Variants in OSBPL2 observed in about 807,000 individuals in gnomAD.
OSBPL2 encodes the protein oxysterol-binding protein-related protein 2.
A neutral mutation model predicts 58.4 loss-of-function variants in OSBPL2; 18 were observed. The observed-to-expected ratio is 0.31, with a 90% confidence interval of 0.21 to 0.46. The LOEUF (loss-of-function observed/expected upper bound fraction) is 0.46, where lower values mean the gene tolerates loss of function less well. OSBPL2 is among the 20% of genes least tolerant of loss of function. The pLI is 1.00. For synonymous variants in OSBPL2, 221 were observed against 234.1 expected (o/e 0.94, Z 0.51); for missense variants, 461 against 616.5 (o/e 0.75, Z 2.67).
rs772551702 is a variant in OSBPL2 at position 62,289,189 on chromosome 20, CTG to C, written c.1126-15_1126-14del. On this transcript the variant is annotated splice_polypyrimidine_tract_variant and intron_variant, in intron 11 of 13. Coordinates refer to ENST00000313733, the MANE Select transcript of OSBPL2 (RefSeq NM_144498.4). The stretch of plus-strand genomic sequence containing the variant: ...CAGAGGCCCTGCTGAGGTCGTGTCT[CTG>C]TGCCTTGCTCCACAGATGTATAATT... 2.5e-6 allele frequency: 4 copies of C among 1,613,220 alleles called. No individual in the cohort carries two copies. The Admixed American group carries it at 6.7e-5, about 27-fold the overall frequency.
rs1307948954 is a variant in OSBPL2 at position 62,273,377 on chromosome 20, A to G, written c.462A>G (p.Pro154=). The part of the protein sequence containing the change: ...QWERTGKPFN[P]LLGETYELIR... ...AGAGGACCGGCAAACCATTTAATCC[A>G]CTCTTGGGAGAAACGTATGAATTAA... is the stretch of plus-strand genomic sequence containing the variant. The change falls in exon 6 of 14, where the codon CCA becomes CCG. Residue 154 remains proline (P), a synonymous_variant. Coordinates refer to ENST00000313733, the MANE Select transcript of OSBPL2 (RefSeq NM_144498.4). The G allele has an allele frequency of 1.2e-6, 2 of 1,600,550 alleles. No homozygotes were observed. The highest frequency in any genetic ancestry group is 4.5e-5 in the East Asian group (2 of 44,124).
chr20:62,246,232 G>C (rs1355086243), intron 1 of OSBPL2, among the ~76,000 whole-genome samples: 2 of 152,260 alleles, frequency 1.3e-5, no homozygotes, highest in Non-Finnish European at 2.9e-5. Context: ...CCGGGACGCT[G>C]TGTCCAGGAT....
At chr20:62,278,179 A>ATG (rs1491160935) in intron 6 of OSBPL2, 112 of 175,198 alleles carry the variant, frequency 6.4e-4, no homozygotes, top group Admixed American at 3.5e-3. Flanking sequence ...TCTGGAAGCC[A>ATG]TGTGTGTGTG....
At position 62,263,466 on chromosome 20, in the gene OSBPL2, C is replaced by T. The variant is rs59650555; in HGVS notation, c.183-150C>T. The T allele has an allele frequency of 1.2e-3, 790 of 665,558 alleles. 6 individuals are homozygous for T. In the African/African-American group the frequency reaches 0.012, roughly 10 times the overall value. 41.2% of individuals were successfully genotyped at this position (665,558 alleles called of 1,614,324 possible). A position where few individuals can be genotyped will look rare whatever the true frequency, so the allele number is the denominator to read the frequency against. ...GTGTGGAAGGCCTCTAGGCAGCAGT[C>T]GTGCCCTGTGTCCCTAGGCATGCCA... On this transcript the variant is annotated intron_variant, in intron 3 of 13. Coordinates refer to ENST00000313733, the MANE Select transcript of OSBPL2 (RefSeq NM_144498.4).
intron 4 of OSBPL2, among the ~76,000 whole-genome samples, chr20:62,266,834 C>T (rs1359988994): frequency 6.6e-6 from 1 of 150,940 alleles, no homozygotes; most frequent in Non-Finnish European, 1.5e-5. Flanking sequence ...TCATCAGATA[C>T]TCAATCTATG....
In OSBPL2 at chr20:62,279,935, A is replaced by G. The variant is rs551910216; in HGVS notation, c.674+596A>G. The G allele has an allele frequency of 1.1e-5, 14 of 1,300,846 alleles. No individual in the cohort carries two copies. The African/African-American group carries it at 1.5e-4, about 14-fold the overall frequency. The allele number at this position is 1,300,846 out of a possible 1,614,324, so 80.6% of individuals were successfully genotyped here. A position where few individuals can be genotyped will look rare whatever the true frequency, so the allele number is the denominator to read the frequency against. ...GTGACTTAGGGTTGGAATTTGAAAC[A>G]GCGTGGGAGGGGACCCTCTGAGAGG... On this transcript the variant is annotated intron_variant, in intron 7 of 13. Transcript: ENST00000313733.
chr20:62,276,123 G>C (rs1008056967), intron 6 of OSBPL2, among the ~76,000 whole-genome samples: 1 of 152,002 alleles, frequency 6.6e-6, no homozygotes, highest in African/African-American at 2.4e-5. Context: ...CACCTTGTTG[G>C]CCAGGCTGGT....
chr20:62,293,994 G>T lies in OSBPL2; in HGVS notation c.*107G>T. The T allele has an allele frequency of 7.1e-7, 1 of 1,416,978 alleles. No homozygotes were observed. The highest frequency in any genetic ancestry group is 1.4e-5 in the South Asian group (1 of 70,692). The allele number at this position is 1,416,978 out of a possible 1,614,324, so 87.8% of individuals were successfully genotyped here. On this transcript the variant is annotated 3_prime_UTR_variant, in exon 14 of 14. Transcript: ENST00000313733. Reference sequence around the variant, plus strand: ...GCAGAAACCAACTTTTCTAACGACTGAGTTCGCGGAGATAGCATCATCCCT... The same window carrying T: ...GCAGAAACCAACTTTTCTAACGACTTAGTTCGCGGAGATAGCATCATCCCT...
At chr20:62,283,953 T>A (rs955125045) in intron 9 of OSBPL2, 93 bp from the exon 10 acceptor site, 1 of 1,300,926 alleles carries the variant, frequency 7.7e-7, no homozygotes, top group Non-Finnish European at 1.1e-6. Context: ...TAAGAAAACA[T>A]ACCTGAGGGG....
rs1375762748 is a variant in OSBPL2 at position 62,292,320 on chromosome 20, G to A, written c.1340+527G>A. On this transcript the variant is annotated intron_variant, in intron 13 of 13. Coordinates refer to ENST00000313733, the MANE Select transcript of OSBPL2 (RefSeq NM_144498.4). ...GTGTGGAGGCCACGCCTGTCACACC[G>A]ATACCACATCTTCCTGTCAGTGCCA... is the stretch of plus-strand genomic sequence containing the variant. 7.9e-5 allele frequency among the ~76,000 whole-genome samples: 12 copies of A among 152,344 alleles called. No homozygotes were observed. The South Asian group carries it at 1.0e-3, about 13-fold the overall frequency.
chr20:62,254,670 G>C (rs771054663), intron 1 of OSBPL2, among the ~76,000 whole-genome samples: 1 of 152,254 alleles, frequency 6.6e-6, no homozygotes, highest in Non-Finnish European at 1.5e-5. Flanking sequence ...TTCTCGCCCC[G>C]GCGCCCTCAC....
intron 4 of OSBPL2, among the ~76,000 whole-genome samples, chr20:62,265,072 G>A (rs1057199507): frequency 2.0e-5 from 3 of 152,184 alleles, no homozygotes; most frequent in Non-Finnish European, 4.4e-5. Context: ...TGTAATCAAT[G>A]TTTTAGGGAA....
At chr20:62,282,992 T>G (rs1298947419) in intron 9 of OSBPL2, among the ~76,000 whole-genome samples, 2 of 152,210 alleles carry the variant, frequency 1.3e-5, no homozygotes, top group African/African-American at 4.8e-5. Context: ...GACAGCAGTC[T>G]TACAACAGGG....
chr20:62,252,822 G>A (rs1239674522), intron 1 of OSBPL2, among the ~76,000 whole-genome samples: 1 of 152,374 alleles, frequency 6.6e-6, no homozygotes. Flanking sequence ...CTCACATGGC[G>A]CGAGGAGGAG....
chr20:62,262,092 C>A (rs972813017), intron 3 of OSBPL2, among the ~76,000 whole-genome samples: 2 of 149,490 alleles, frequency 1.3e-5, no homozygotes, highest in Non-Finnish European at 1.5e-5. Flanking sequence ...GACCCCCCCC[C>A]CACCCCGTCA....
intron 1 of OSBPL2, among the ~76,000 whole-genome samples, chr20:62,244,509 G>A (rs545918973): frequency 6.6e-5 from 10 of 152,360 alleles, no homozygotes; most frequent in African/African-American, 2.2e-4. Flanking sequence ...CAGTCTCGTG[G>A]GCCGCATTGG....
rs572979030 is a variant in OSBPL2 at position 62,245,470 on chromosome 20, C to G, written c.-129+6873C>G. Among the ~76,000 whole-genome samples the G allele has an allele frequency of 2.0e-5, 3 of 152,284 alleles. No individual in the cohort carries two copies. The South Asian group carries it at 6.2e-4, about 32-fold the overall frequency. ...CTGGTTTGTGATGAGCCACGTAGAG[C>G]CCCACGCTAAGAAGAACCATACAGG... On this transcript the variant is annotated intron_variant, in intron 1 of 13. Transcript: ENST00000313733.
intron 10 of OSBPL2, 145 bp downstream of exon 10, chr20:62,284,314 A>G: frequency 1.2e-6 from 1 of 852,090 alleles, no homozygotes; most frequent in Non-Finnish European, 1.9e-6. Context: ...TTGTCTGTCC[A>G]GATGAACCAT....
At chr20:62,258,117 G>A (rs1981053662) in intron 2 of OSBPL2, among the ~76,000 whole-genome samples, 1 of 152,196 alleles carries the variant, frequency 6.6e-6, no homozygotes, top group South Asian at 2.1e-4. Flanking sequence ...GCCACAGGGT[G>A]TGCGGGGCTG....
Sources: allele counts gnomAD v4.1 joint callset (sites outside exome capture counted in the v4.1 genomes callset), GRCh38; gene constraint gnomAD v4.1.1; transcripts MANE v1.5; gene names NCBI Gene and HGNC (gene_info 2026-07-23, HGNC 2026-07-21).